TENM2: variants seen among roughly 807,000 people sequenced by gnomAD.
TENM2 encodes the protein teneurin transmembrane protein 2, also known as teneurin-2.
A neutral mutation model predicts 245.2 loss-of-function variants in TENM2; 52 were observed. The ratio of observed to expected loss-of-function variants is 0.21; its 90% CI spans 0.17 to 0.27. TENM2 has a LOEUF of 0.27. TENM2 is among the 10% of genes least tolerant of loss of function. The pLI is 1.00. For synonymous variants in TENM2, 1,363 were observed against 1,438.9 expected (o/e 0.95, Z 1.19); for missense variants, 3,046 against 3,666.8 (o/e 0.83, Z 4.37).
At chr5:167,295,939 A>C (rs750635819) in intron 1 of TENM2, among the ~76,000 whole-genome samples, 4 of 152,210 alleles carry the variant, frequency 2.6e-5, no homozygotes, top group Non-Finnish European at 4.4e-5. Flanking sequence ...GTGCACCACA[A>C]TATTAAAAAT....
At chr5:167,333,976 T>C (rs971028367) in intron 1 of TENM2, among the ~76,000 whole-genome samples, 10 of 152,218 alleles carry the variant, frequency 6.6e-5, no homozygotes, top group Non-Finnish European at 1.3e-4. Flanking sequence ...TGAGTTGATA[T>C]ACATATGTAT....
chr5:167,583,306 A>G (rs1775225157), intron 2 of TENM2, among the ~76,000 whole-genome samples: 1 of 152,182 alleles, frequency 6.6e-6, no homozygotes, highest in African/African-American at 2.4e-5. Context: ...CTATTCCCAT[A>G]TTTGTTTACT....
chr5:167,531,284 T>G (rs577976496), intron 2 of TENM2, among the ~76,000 whole-genome samples: 5 of 152,356 alleles, frequency 3.3e-5, no homozygotes, highest in Admixed American at 3.3e-4. Context: ...TTTCAGAAAC[T>G]GCAGTCTACT....
At chr5:167,742,620 A>C (rs1264361997) in intron 2 of TENM2, among the ~76,000 whole-genome samples, 1 of 152,102 alleles carries the variant, frequency 6.6e-6, no homozygotes. Flanking sequence ...ATTGGGCTAA[A>C]AGAACTCATG....
At chr5:167,945,805 G>T (rs1041963512) in intron 3 of TENM2, among the ~76,000 whole-genome samples, 13 of 152,210 alleles carry the variant, frequency 8.5e-5, no homozygotes, top group South Asian at 4.1e-4. Context: ...AGGCTGAGCG[G>T]GGTGCTTCCT....
the TENM2 span, among the ~76,000 whole-genome samples, chr5:167,208,463 G>A: frequency 2.0e-5 from 3 of 152,286 alleles, no homozygotes; most frequent in South Asian, 2.1e-4. Flanking sequence ...AGTGAGAAGT[G>A]CTATAAAATA....
chr5:168,066,711 T>G (rs558590263), intron 7 of TENM2, among the ~76,000 whole-genome samples: 1 of 152,284 alleles, frequency 6.6e-6, no homozygotes, highest in African/African-American at 2.4e-5. Context: ...AAAAAGTCAA[T>G]CTGAGTCATT....
chr5:167,445,904 G>A (rs1474378201), intron 2 of TENM2, among the ~76,000 whole-genome samples: 1 of 152,118 alleles, frequency 6.6e-6, no homozygotes, highest in African/African-American at 2.4e-5. Context: ...GTCTGGCCTG[G>A]TTTCTTCTTG....
the TENM2 span, among the ~76,000 whole-genome samples, chr5:166,982,795 G>A: frequency 1.1e-4 from 17 of 151,644 alleles, no homozygotes; most frequent in Non-Finnish European, 1.5e-4. Context: ...TTTTTTTGGG[G>A]GGGGGAGGAG....
At chr5:168,240,343 G>T (rs900920215) in intron 25 of TENM2, among the ~76,000 whole-genome samples, 3 of 152,206 alleles carry the variant, frequency 2.0e-5, no homozygotes, top group Non-Finnish European at 2.9e-5. Context: ...TTGCATGCTT[G>T]ATGGAAAGCC....
At chr5:167,632,994 T>C (rs902496319) in intron 2 of TENM2, among the ~76,000 whole-genome samples, 8 of 152,102 alleles carry the variant, frequency 5.3e-5, no homozygotes, top group Non-Finnish European at 7.3e-5. Flanking sequence ...GAGGGAGAAA[T>C]TGAGAACACT....
chr5:167,934,918 C>T (rs1778580352), intron 3 of TENM2: 1 of 985,484 alleles, frequency 1.0e-6, no homozygotes, highest in Non-Finnish European at 1.2e-6. Context: ...TTGAGTCGTC[C>T]AGGTAGGCAG....
intron 2 of TENM2, among the ~76,000 whole-genome samples, chr5:167,870,190 T>G (rs1290904433): frequency 3.3e-5 from 5 of 152,146 alleles, no homozygotes; most frequent in African/African-American, 4.8e-5. Flanking sequence ...TTACAAATTA[T>G]TTTTTTCTGT....
intron 5 of TENM2, among the ~76,000 whole-genome samples, chr5:168,014,372 A>G (rs1028796519): frequency 1.2e-4 from 19 of 152,126 alleles, no homozygotes; most frequent in Non-Finnish European, 2.6e-4. Flanking sequence ...AAATTATGTA[A>G]TTAGTAAGTA....
the TENM2 span, among the ~76,000 whole-genome samples, chr5:167,092,945 A>G: frequency 1.3e-5 from 2 of 152,158 alleles, no homozygotes; most frequent in Non-Finnish European, 2.9e-5. Context: ...CTGACTTGGA[A>G]TCTTAGATTT....
Position 167,875,556 on chromosome 5 carries a change from AC to A in TENM2, c.503-428del, listed in dbSNP as rs531866814. ...GGCGAATGATACAATCTGATTCCTC[AC>A]CTTAAAATTTCATTCTGGCTGCTGT... On this transcript the variant is annotated intron_variant, in intron 2 of 28. Transcript: ENST00000518659. Among the ~76,000 whole-genome samples, 361 of 152,222 alleles carry A rather than the reference AC, an allele frequency of 2.4e-3. 4 individuals are homozygous for A. The highest frequency in any genetic ancestry group is 8.4e-3 in the African/African-American group (350 of 41,534).
intron 2 of TENM2, among the ~76,000 whole-genome samples, chr5:167,682,443 A>G (rs1189816064): frequency 1.3e-5 from 2 of 152,060 alleles, no homozygotes; most frequent in African/African-American, 4.8e-5. Context: ...GATTACAGGC[A>G]TGAGCCACCG....
At chr5:168,121,718 A>AT (rs35236471) in intron 10 of TENM2, among the ~76,000 whole-genome samples, 24,091 of 148,242 alleles carry the variant, frequency 0.16, 2,137 homozygotes, top group South Asian at 0.26. Context: ...AAAGATTGTG[A>AT]TTTTTTTTTT....
At chr5:168,194,637 T>C (rs185432879) in intron 14 of TENM2, among the ~76,000 whole-genome samples, 49 of 152,254 alleles carry the variant, frequency 3.2e-4, no homozygotes, top group African/African-American at 1.1e-3. Flanking sequence ...AGTTCTCGTT[T>C]CCTCAGACCC....
Sources: gnomAD v4.1 joint callset for allele counts (sites outside exome capture counted in the v4.1 genomes callset) on GRCh38, gnomAD v4.1.1 for gene constraint, MANE v1.5 for transcripts, NCBI Gene and HGNC (gene_info 2026-07-23, HGNC 2026-07-21) for gene names.